The following HDGFL2 variants were observed in gnomAD, a reference collection of about 807,000 sequenced individuals.
The protein encoded by HDGFL2 is hepatoma-derived growth factor-related protein 2.
In HDGFL2, 36 loss-of-function variants were observed where a neutral mutation model predicts 77.1. The observed-to-expected ratio is 0.47, with a 90% confidence interval of 0.36 to 0.62. The LOEUF (loss-of-function observed/expected upper bound fraction) is 0.62, where lower values mean the gene tolerates loss of function less well. HDGFL2 is among the 20% of genes least tolerant of loss of function. The pLI, the probability that HDGFL2 is intolerant of heterozygous loss-of-function variation, is 0.00. For synonymous variants in HDGFL2, 463 were observed against 413.1 expected (o/e 1.12, Z -1.46); for missense variants, 976 against 973.4 (o/e 1.00, Z -0.04).
In HDGFL2 at chr19:4,483,773, TTAATTG is replaced by T. The variant is rs1357638972; in HGVS notation, c.289-4901_289-4896del. On this transcript the variant is annotated intron_variant, in intron 3 of 15. Transcript: ENST00000616600. Reference sequence around the variant, plus strand: ...GGTCATCACACCAGGAGAATGGGACTTAATTGTTTCATGATTTTTTTTTTTTTTTTT... The same window carrying T: ...GGTCATCACACCAGGAGAATGGGACTTTTCATGATTTTTTTTTTTTTTTTT... Among the ~76,000 whole-genome samples, 3 of 149,170 alleles carry T rather than the reference TTAATTG, an allele frequency of 2.0e-5. No individual in the cohort carries two copies. The Admixed American group carries it at 2.1e-4, about 10-fold the overall frequency.
intron 1 of HDGFL2, among the ~76,000 whole-genome samples, chr19:4,473,694 G>T (rs1336731851): frequency 6.7e-6 from 1 of 149,364 alleles, no homozygotes; most frequent in African/African-American, 2.5e-5. Context: ...GGGGCTGGGG[G>T]TGGGGGAATG....
intron 14 of HDGFL2, among the ~76,000 whole-genome samples, chr19:4,500,766 G>A (rs962204027): frequency 9.2e-5 from 14 of 151,984 alleles, no homozygotes; most frequent in African/African-American, 3.1e-4. Context: ...CTGCCAGGAC[G>A]TGCTAATTTT....
In HDGFL2 at chr19:4,492,856, TGTGTGTGTG is replaced by T. The variant is rs1442571806; in HGVS notation, c.679-832_679-824del. Among the ~76,000 whole-genome samples, 20 of 148,884 alleles carry T rather than the reference TGTGTGTGTG, an allele frequency of 1.3e-4. No homozygotes were observed. The East Asian group carries it at 1.4e-3, about 10-fold the overall frequency. On this transcript the variant is annotated intron_variant, in intron 6 of 15. Coordinates refer to ENST00000616600, the MANE Select transcript of HDGFL2 (RefSeq NM_001001520.3). ...ATCTGTGTGGTGTGTGTGTTGTCTG[TGTGTGTGTG>T]GTGTGTGTGGTGTGGTGTGTGTTAT...
rs769070701 is a variant in HDGFL2 at position 4,475,619 on chromosome 19, G to A, written c.288+36G>A. On this transcript the variant is annotated intron_variant, in intron 3 of 15. Transcript: ENST00000616600. Reference sequence around the variant, plus strand: ...GGGGTGGAGAGCCAGTGTGAAGCGCGCTACTGATGCAAGAAGGGGCCTCCA... The same window carrying A: ...GGGGTGGAGAGCCAGTGTGAAGCGCACTACTGATGCAAGAAGGGGCCTCCA... The A allele has an allele frequency of 7.2e-6, 11 of 1,537,464 alleles. No individual in the cohort carries two copies. In the South Asian group the frequency reaches 1.2e-4, roughly 16 times the overall value.
intron 10 of HDGFL2, chr19:4,497,277 A>G: frequency 2.5e-6 from 1 of 399,890 alleles, no homozygotes; most frequent in Admixed American, 3.0e-5. Context: ...AGCTCACTGC[A>G]ACCTCTGCCT....
intron 14 of HDGFL2, among the ~76,000 whole-genome samples, chr19:4,500,753 G>A (rs372683006): frequency 3.9e-5 from 6 of 152,012 alleles, no homozygotes; most frequent in Non-Finnish European, 5.9e-5. Context: ...GAGCCACTGC[G>A]CCCTGCCAGG....
In HDGFL2 at chr19:4,494,248, C is replaced by A; in HGVS notation, c.997C>A (p.Arg333=). 1 of 1,460,432 alleles carries A rather than the reference C, an allele frequency of 6.8e-7. No homozygotes were observed. Among genetic ancestry groups the A allele is most frequent in the Non-Finnish European group, 9.0e-7 (1 of 1,109,850 alleles). The allele number at this position is 1,460,432 out of a possible 1,614,324, so 90.5% of individuals were successfully genotyped here. ...RRRELEARRR[R]EQEEELRRLR... ...GCGCGAGCTGGAGGCCCGGCGGCGG[C>A]GAGAGCAGGAGGAGGAGCTGCGGCG... The change falls in exon 9 of 16, where the codon CGA becomes AGA. Residue 333 remains arginine (R), a synonymous_variant. Transcript: ENST00000616600.
Position 4,475,211 on chromosome 19 carries a change from T to C in HDGFL2, c.73-64T>C. On this transcript the variant is annotated intron_variant, in intron 1 of 15. Coordinates refer to ENST00000616600, the MANE Select transcript of HDGFL2 (RefSeq NM_001001520.3). The stretch of plus-strand genomic sequence containing the variant: ...CGTGATTTGCCCCAAGTAACTTGGC[T>C]GATTTCTCGGTGATTTCCTGGGTCA... 13 of 1,462,510 alleles carry C rather than the reference T, an allele frequency of 8.9e-6. No homozygotes were observed. The South Asian group carries it at 1.5e-4, about 17-fold the overall frequency. 90.6% of individuals were successfully genotyped at this position (1,462,510 alleles called of 1,614,324 possible).
Position 4,499,604 on chromosome 19 carries a change from G to C in HDGFL2, c.1689G>C (p.Lys563Asn). Residue 563 changes from lysine (K) to asparagine (N), a missense_variant, in exon 14 of 16, where the codon AAG becomes AAC. Coordinates refer to ENST00000616600, the MANE Select transcript of HDGFL2 (RefSeq NM_001001520.3). ...PKIEAVQKVN[K>N]AGMEKEKAEE... ...TCGAGGCGGTGCAGAAAGTGAACAA[G>C]GCTGGGATGGAGAAGGAGAAGGCCG... The C allele has an allele frequency of 6.2e-7, 1 of 1,608,744 alleles. No individual in the cohort carries two copies. The highest frequency in any genetic ancestry group is 1.1e-5 in the South Asian group (1 of 90,304).
chr19:4,495,724 C>G (rs1013722059), intron 9 of HDGFL2, among the ~76,000 whole-genome samples: 2 of 152,072 alleles, frequency 1.3e-5, no homozygotes, highest in African/African-American at 4.8e-5. Context: ...CTCTCGGGTG[C>G]CCTCTGGCTG....
chr19:4,498,217 C>T (rs1196057824), intron 11 of HDGFL2, 89 bp from the exon 12 acceptor site: 1 of 1,315,420 alleles, frequency 7.6e-7, no homozygotes, highest in Non-Finnish European at 1.1e-6. Flanking sequence ...CATGACAAAT[C>T]CTCCAGAGGC....
chr19:4,491,303 C>T (rs1243110714), intron 4 of HDGFL2, among the ~76,000 whole-genome samples: 4 of 143,150 alleles, frequency 2.8e-5, no homozygotes, highest in Non-Finnish European at 6.1e-5. Flanking sequence ...CCCTGGTGCC[C>T]CTCATCCTAC....
intron 3 of HDGFL2, among the ~76,000 whole-genome samples, chr19:4,484,861 C>T (rs1274319206): frequency 2.6e-5 from 4 of 151,688 alleles, no homozygotes; most frequent in African/African-American, 4.8e-5. Flanking sequence ...TTAGTAGAGG[C>T]GGGGTTTCAC....
intron 10 of HDGFL2, among the ~76,000 whole-genome samples, chr19:4,496,678 G>T (rs1220399927): frequency 1.3e-5 from 2 of 152,110 alleles, no homozygotes; most frequent in Non-Finnish European, 2.9e-5. Context: ...ACTGGGGGGT[G>T]CTCCTGGCAT....
intron 9 of HDGFL2, among the ~76,000 whole-genome samples, chr19:4,495,598 C>T (rs1975681936): frequency 1.3e-5 from 2 of 151,510 alleles, no homozygotes; most frequent in African/African-American, 4.9e-5. Flanking sequence ...GGGGAACGGA[C>T]AGAGCAGGCC....
chr19:4,499,446 G>A (rs908498815), intron 13 of HDGFL2, 45 bp from the exon 14 acceptor site: 15 of 1,578,662 alleles, frequency 9.5e-6, no homozygotes, highest in Admixed American at 5.3e-5. Flanking sequence ...CCGGGGCTAG[G>A]GCCGCTGCAC....
rs1397621668 is a variant in HDGFL2 at position 4,497,961 on chromosome 19, C to T, written c.1332C>T (p.Pro444=). 1.5e-5 allele frequency: 24 copies of T among 1,552,658 alleles called. No individual in the cohort carries two copies. Among genetic ancestry groups the T allele is most frequent in the African/African-American group, 5.5e-5 (4 of 73,172 alleles). ...TGAGGGGAGCACTTCTCCACAGGCC[C>T]GTGAAGGTGGAGCGGACCCGGAAGC... ...VRPEEKQQAK[P]VKVERTRKRS... Residue 444 remains proline, a synonymous_variant, in exon 11 of 16, where the codon CCC becomes CCT. Transcript: ENST00000616600.
chr19:4,491,425 T>C (rs1975509140), intron 4 of HDGFL2, 141 bp from the exon 5 acceptor site: 1 of 677,900 alleles, frequency 1.5e-6, no homozygotes, highest in African/African-American at 1.8e-5. Context: ...ATCCCTGGTT[T>C]GATCAGGTTC....
At chr19:4,479,579 T>TA (rs566085453) in intron 3 of HDGFL2, among the ~76,000 whole-genome samples, 63,872 of 121,758 alleles carry the variant, frequency 0.52, 16,297 homozygotes, top group African/African-American at 0.6. Context: ...AGATTCCATC[T>TA]AAAAAAAAAA....
Sources: allele counts gnomAD v4.1 joint callset (sites outside exome capture counted in the v4.1 genomes callset), GRCh38; gene constraint gnomAD v4.1.1; transcripts MANE v1.5; gene names NCBI Gene and HGNC (gene_info 2026-07-23, HGNC 2026-07-21).